NUDT9: variants seen among roughly 807,000 people sequenced by gnomAD.
The protein encoded by NUDT9 is nudix hydrolase 9, also known as ADP-ribose pyrophosphatase.
NUDT9 carries 31 observed loss-of-function variants against 41.0 expected under a neutral mutation model. That is an observed-to-expected ratio of 0.76 (90% confidence interval 0.57 to 1.02). NUDT9 has a LOEUF of 1.02. Ranked by LOEUF, NUDT9 falls within the 50% of genes least tolerant of loss-of-function variation. The pLI is 0.00. For synonymous variants in NUDT9, 146 were observed against 147.6 expected (o/e 0.99, Z 0.08); for missense variants, 380 against 431.4 (o/e 0.88, Z 1.06).
At chr4:87,429,065 T>C (rs1401434693) in intron 1 of NUDT9, among the ~76,000 whole-genome samples, 1 of 152,214 alleles carries the variant, frequency 6.6e-6, no homozygotes, top group Non-Finnish European at 1.5e-5. Flanking sequence ...GGTAGGTACA[T>C]GTTTACACTA....
intron 7 of NUDT9, among the ~76,000 whole-genome samples, chr4:87,455,568 A>G (rs1345865512): frequency 6.6e-6 from 1 of 151,622 alleles, no homozygotes; most frequent in East Asian, 1.9e-4. Context: ...AATCTCTGCC[A>G]TATTTGAGTT....
At chr4:87,423,136 C>A in intron 1 of NUDT9, 124 bp downstream of exon 1, 2 of 578,854 alleles carry the variant, frequency 3.5e-6, no homozygotes, top group East Asian at 3.3e-5. Context: ...TAGTCATATA[C>A]AAGTTTTCAA....
chr4:87,428,359 C>G (rs1227549886), intron 1 of NUDT9, among the ~76,000 whole-genome samples: 1 of 152,176 alleles, frequency 6.6e-6, no homozygotes, highest in African/African-American at 2.4e-5. Context: ...ACTTATAATT[C>G]AGCAATCACA....
chr4:87,437,241 C>T (rs1487956605), intron 2 of NUDT9, among the ~76,000 whole-genome samples: 1 of 119,986 alleles, frequency 8.3e-6, no homozygotes, highest in Non-Finnish European at 1.7e-5. Flanking sequence ...CAGAACGAGA[C>T]TCCATCTCAA....
At chr4:87,441,739 C>T in intron 3 of NUDT9, 90 bp from the exon 4 acceptor site, 1 of 1,001,046 alleles carries the variant, frequency 1.0e-6, no homozygotes, top group Non-Finnish European at 1.6e-6. Flanking sequence ...TTCTGTCTTA[C>T]TGCTTATGTT....
Position 87,446,373 on chromosome 4 carries a change from C to G in NUDT9, c.531-2769C>G, listed in dbSNP as rs144430825. The stretch of plus-strand genomic sequence containing the variant: ...GCTTCAGCCTCCCAAGTAGCTGGGA[C>G]TATAGGTGCACACCACCCCGCCCAG... On this transcript the variant is annotated intron_variant, in intron 4 of 7. Coordinates refer to ENST00000302174, the MANE Select transcript of NUDT9 (RefSeq NM_024047.5). Among the ~76,000 whole-genome samples the G allele has an allele frequency of 9.6e-3, 1,451 of 150,660 alleles. 18 individuals are homozygous for G. The highest frequency in any genetic ancestry group is 0.03 in the African/African-American group (1,215 of 41,036).
chr4:87,433,845 CT>C (rs1190325851), intron 1 of NUDT9, among the ~76,000 whole-genome samples: 1 of 152,130 alleles, frequency 6.6e-6, no homozygotes, highest in Admixed American at 6.5e-5. Context: ...TTAAATTTTG[CT>C]CTAAAGGTTA....
Position 87,452,605 on chromosome 4 carries a change from C to T in NUDT9, c.789+870C>T, listed in dbSNP as rs938334247. 3.3e-5 allele frequency among the ~76,000 whole-genome samples: 5 copies of T among 151,744 alleles called. No homozygotes were observed. The East Asian group carries it at 7.8e-4, about 24-fold the overall frequency. Reference sequence around the variant, plus strand: ...AGCTGGGACCACAGGCAAACACCACCGCACTGGGCTAATTTTTTGTTTTTT... The same window carrying T: ...AGCTGGGACCACAGGCAAACACCACTGCACTGGGCTAATTTTTTGTTTTTT... On this transcript the variant is annotated intron_variant, in intron 6 of 7. Coordinates refer to ENST00000302174, the MANE Select transcript of NUDT9 (RefSeq NM_024047.5).
intron 1 of NUDT9, 150 bp from the exon 2 acceptor site, chr4:87,434,831 C>G (rs1721845183): frequency 9.8e-6 from 6 of 610,134 alleles, no homozygotes; most frequent in Non-Finnish European, 1.7e-5. Flanking sequence ...GTTGGTCAGG[C>G]TGGTCTTGAA....
At chr4:87,423,050 A>G (rs747937297) in intron 1 of NUDT9, 38 bp downstream of exon 1, 1 of 1,518,148 alleles carries the variant, frequency 6.6e-7, no homozygotes, top group Non-Finnish European at 9.0e-7. Context: ...TTTGCCCTAG[A>G]CCTTGAGTTG....
At chr4:87,430,393 G>T (rs749862703) in intron 1 of NUDT9, among the ~76,000 whole-genome samples, 4 of 152,218 alleles carry the variant, frequency 2.6e-5, no homozygotes, top group Non-Finnish European at 5.9e-5. Context: ...GTGATTTGTT[G>T]TGGCTTCAGT....
intron 6 of NUDT9, among the ~76,000 whole-genome samples, chr4:87,452,107 A>G (rs1486338045): frequency 1.3e-5 from 2 of 151,816 alleles, no homozygotes; most frequent in African/African-American, 4.8e-5. Flanking sequence ...GGTTCAAGCA[A>G]TTCTCCTGCC....
rs191744936 is a variant in NUDT9 at position 87,435,795 on chromosome 4, C to A, written c.347+575C>A. On this transcript the variant is annotated intron_variant, in intron 2 of 7. Transcript: ENST00000302174. The stretch of plus-strand genomic sequence containing the variant: ...TATGTTTATGTTTCTTTTTTATTTT[C>A]CAGCTTTATTGATATATGATTGACA... Among the ~76,000 whole-genome samples the A allele has an allele frequency of 2.5e-4, 38 of 152,120 alleles. No homozygotes were observed. The East Asian group carries it at 5.8e-3, about 23-fold the overall frequency.
chr4:87,439,090 C>T lies in NUDT9; in HGVS notation c.443+718C>T, dbSNP rs148314796. Among the ~76,000 whole-genome samples the T allele has an allele frequency of 2.8e-4, 42 of 151,350 alleles. 2 individuals are homozygous for T. The East Asian group carries it at 7.6e-3, about 28-fold the overall frequency. On this transcript the variant is annotated intron_variant, in intron 3 of 7. Transcript: ENST00000302174. ...GCTGAGGGAGGAGAATTGCTTGAACCGGGAGGCGGAGGTTGCGGTGGGCTG... is the reference window on the plus strand; with the variant it reads ...GCTGAGGGAGGAGAATTGCTTGAACTGGGAGGCGGAGGTTGCGGTGGGCTG...
Position 87,458,904 on chromosome 4 carries a change from TA to T in NUDT9, c.*884del, listed in dbSNP as rs1221875544. The T allele has an allele frequency of 6.6e-6, 1 of 152,142 alleles. No individual in the cohort carries two copies. The highest frequency in any genetic ancestry group is 1.5e-5 in the Non-Finnish European group (1 of 68,006). 9.4% of individuals were successfully genotyped at this position (152,142 alleles called of 1,614,324 possible). On this transcript the variant is annotated 3_prime_UTR_variant, in exon 8 of 8. Coordinates refer to ENST00000302174, the MANE Select transcript of NUDT9 (RefSeq NM_024047.5). Reference sequence around the variant, plus strand: ...GAAGAGAGTGTAGAGAGTCCTCAAATATTTAAAGATATTTGACCCAGTAATC... The same window carrying T: ...GAAGAGAGTGTAGAGAGTCCTCAAATTTTAAAGATATTTGACCCAGTAATC...
At chr4:87,438,115 T>C (rs1315033421) in intron 2 of NUDT9, among the ~76,000 whole-genome samples, 162 bp from the exon 3 acceptor site, 2 of 150,970 alleles carry the variant, frequency 1.3e-5, no homozygotes, top group Non-Finnish European at 2.9e-5. Context: ...AAAAATTGTT[T>C]TGAAGGAATA....
intron 4 of NUDT9, among the ~76,000 whole-genome samples, chr4:87,444,913 A>T (rs944009079): frequency 6.6e-6 from 1 of 152,336 alleles, no homozygotes; most frequent in South Asian, 2.1e-4. Context: ...TATCTCAATA[A>T]TGCATTAATT....
chr4:87,444,134 T>C (rs1054493195), intron 4 of NUDT9, among the ~76,000 whole-genome samples: 3 of 152,172 alleles, frequency 2.0e-5, no homozygotes, highest in Non-Finnish European at 2.9e-5. Flanking sequence ...TTGCTGACCA[T>C]CTGTCTCCCC....
At chr4:87,425,264 GACT>G (rs1159492142) in intron 1 of NUDT9, among the ~76,000 whole-genome samples, 7 of 152,064 alleles carry the variant, frequency 4.6e-5, no homozygotes, top group African/African-American at 1.4e-4. Context: ...TAGGCTCAGA[GACT>G]ACTAAGTGAT....
Sources: allele counts gnomAD v4.1 joint callset (sites outside exome capture counted in the v4.1 genomes callset), GRCh38; gene constraint gnomAD v4.1.1; transcripts MANE v1.5; gene names NCBI Gene and HGNC (gene_info 2026-07-23, HGNC 2026-07-21).